The following PXYLP1 variants were observed in gnomAD, a reference collection of about 807,000 sequenced individuals.
The protein encoded by PXYLP1 is 2-phosphoxylose phosphatase 1.
Under a neutral mutation model 37.9 loss-of-function variants are expected in PXYLP1, and 17 were observed. The ratio of observed to expected loss-of-function variants is 0.45; its 90% CI spans 0.31 to 0.67. PXYLP1 has a LOEUF of 0.67. Ranked by LOEUF, PXYLP1 falls within the 30% of genes least tolerant of loss-of-function variation. PXYLP1 has a pLI of 0.07. For synonymous variants in PXYLP1, 221 were observed against 232.2 expected (o/e 0.95, Z 0.44); for missense variants, 511 against 612.0 (o/e 0.84, Z 1.74).
At chr3:141,232,203 G>T in intron 1 of PXYLP1, 1 of 152,180 alleles carries the variant, frequency 6.6e-6, no homozygotes, top group Non-Finnish European at 1.5e-5. Flanking sequence ...CCGCCCCATA[G>T]CCCCCTTCTC....
At chr3:141,279,170 G>C (rs1941880944) in intron 3 of PXYLP1, among the ~76,000 whole-genome samples, 1 of 152,176 alleles carries the variant, frequency 6.6e-6, no homozygotes, top group African/African-American at 2.4e-5. Context: ...ATGTTCCTCT[G>C]TCCCGCCTTG....
intron 1 of PXYLP1, among the ~76,000 whole-genome samples, chr3:141,246,179 G>T (rs1003571576): frequency 6.6e-6 from 1 of 152,142 alleles, no homozygotes; most frequent in African/African-American, 2.4e-5. Context: ...TTAAAAGAGA[G>T]CTCTCTAAGA....
intron 2 of PXYLP1, 132 bp downstream of exon 2, chr3:141,260,386 C>T: frequency 9.6e-7 from 1 of 1,037,844 alleles, no homozygotes; most frequent in Admixed American, 2.7e-5. Context: ...TTGGCACTCA[C>T]AGTGGCCGGT....
At chr3:141,236,981 T>G (rs1176267092) in intron 1 of PXYLP1, among the ~76,000 whole-genome samples, 1 of 152,196 alleles carries the variant, frequency 6.6e-6, no homozygotes, top group African/African-American at 2.4e-5. Flanking sequence ...TGCATTATGT[T>G]TATACAGTAC....
At chr3:141,246,468 T>C (rs1006702431) in intron 1 of PXYLP1, among the ~76,000 whole-genome samples, 1 of 152,178 alleles carries the variant, frequency 6.6e-6, no homozygotes, top group African/African-American at 2.4e-5. Flanking sequence ...GGGCAGCCTC[T>C]ATGAGAAAGT....
chr3:141,242,185 C>T (rs1044713435), intron 1 of PXYLP1, among the ~76,000 whole-genome samples: 1 of 152,134 alleles, frequency 6.6e-6, no homozygotes, highest in Non-Finnish European at 1.5e-5. Context: ...GTGCTTGTTA[C>T]TCACCCCCGC....
At chr3:141,262,470 T>C (rs569715559) in intron 2 of PXYLP1, 1 of 687,740 alleles carries the variant, frequency 1.5e-6, no homozygotes, top group South Asian at 4.1e-5. Flanking sequence ...GAGACATGAA[T>C]GTGTGTTACT....
At chr3:141,280,949 C>G (rs1262907596) in intron 4 of PXYLP1, among the ~76,000 whole-genome samples, 1 of 152,186 alleles carries the variant, frequency 6.6e-6, no homozygotes, top group Non-Finnish European at 1.5e-5. Flanking sequence ...ACTCTCAAAG[C>G]CTTTGTAGTA....
At chr3:141,255,813 A>G (rs773812748) in intron 1 of PXYLP1, among the ~76,000 whole-genome samples, 5 of 152,318 alleles carry the variant, frequency 3.3e-5, no homozygotes, top group African/African-American at 4.8e-5. Context: ...GAGCTCTGGA[A>G]AACTCAGGCT....
intron 2 of PXYLP1, among the ~76,000 whole-genome samples, chr3:141,267,868 T>TCC (rs1250814001): frequency 3.8e-4 from 57 of 148,406 alleles, no homozygotes; most frequent in Non-Finnish European, 6.5e-4. Flanking sequence ...TGTCCCTCTC[T>TCC]GTCTCTCTCC....
chr3:141,248,023 G>GTT (rs55888415), intron 1 of PXYLP1, among the ~76,000 whole-genome samples: 56,573 of 122,234 alleles, frequency 0.46, 13,738 homozygotes, highest in South Asian at 0.64. Flanking sequence ...TTTTTGTTTT[G>GTT]TTTTTTTTTT....
intron 1 of PXYLP1, among the ~76,000 whole-genome samples, chr3:141,250,458 C>T (rs1941115885): frequency 6.6e-6 from 1 of 152,204 alleles, no homozygotes; most frequent in Non-Finnish European, 1.5e-5. Flanking sequence ...CCATTCTATC[C>T]CTGCGTGGGC....
At chr3:141,273,522 G>A (rs974630639) in intron 2 of PXYLP1, 18 of 985,378 alleles carry the variant, frequency 1.8e-5, no homozygotes, top group African/African-American at 1.7e-5. Context: ...GAAGGGTGGT[G>A]GGGAGGGAGC....
At position 141,292,434 on chromosome 3, in the gene PXYLP1, T is replaced by A. The variant is rs1490506408; in HGVS notation, c.672T>A (p.Asp224Glu). The A allele has an allele frequency of 1.2e-6, 2 of 1,614,192 alleles. No homozygotes were observed. The highest frequency in any genetic ancestry group is 4.5e-5 in the East Asian group (2 of 44,892). The change falls in exon 6 of 6, where the codon GAT becomes GAA. Residue 224 changes from aspartate to glutamate, a missense_variant. Physicochemically the swap from Asp to Glu is conservative, Grantham distance 45. Coordinates refer to ENST00000286353, the MANE Select transcript of PXYLP1 (RefSeq NM_001037172.3). The surrounding 1 kb of genome is among the most constrained non-coding windows in gnomAD (Gnocchi z 4.3). ...CCTTGCTTTATGGCTTTCTCCCAGA[T>A]TTTGACTGGAAGAAGATTTATTTCA... Reference protein sequence around the residue: ...GLALLYGFLPDFDWKKIYFRH... With the variant: ...GLALLYGFLPEFDWKKIYFRH...
At chr3:141,286,121 A>G (rs1472641512) in intron 4 of PXYLP1, among the ~76,000 whole-genome samples, 1 of 152,178 alleles carries the variant, frequency 6.6e-6, no homozygotes, top group Non-Finnish European at 1.5e-5. Context: ...TTAGGCATGA[A>G]CTACTCTATC....
chr3:141,274,952 G>T (rs1282864623), intron 2 of PXYLP1, among the ~76,000 whole-genome samples: 1 of 152,200 alleles, frequency 6.6e-6, no homozygotes, highest in African/African-American at 2.4e-5. Context: ...GGGTGGGATG[G>T]CTCAGAGCAG....
At chr3:141,243,640 C>T (rs567925121) in intron 1 of PXYLP1, among the ~76,000 whole-genome samples, 24 of 152,242 alleles carry the variant, frequency 1.6e-4, no homozygotes, top group Non-Finnish European at 3.1e-4. Flanking sequence ...CCCCACCCCT[C>T]GGGTGCCTGT....
In PXYLP1 at chr3:141,294,312, C is replaced by T. The variant is rs1389761832; in HGVS notation, c.*1107C>T. On this transcript the variant is annotated 3_prime_UTR_variant, in exon 6 of 6. Coordinates refer to ENST00000286353, the MANE Select transcript of PXYLP1 (RefSeq NM_001037172.3). ...TCTTCCAATAAAACTAATTATGGCT[C>T]ATTCCCTTTGACAAGCTGTAGAACT... 1 of 152,218 alleles carries T rather than the reference C, an allele frequency of 6.6e-6. No individual in the cohort carries two copies. Among genetic ancestry groups the T allele is most frequent in the Non-Finnish European group, 1.5e-5 (1 of 68,042 alleles). The allele number at this position is 152,218 out of a possible 1,614,324, so 9.4% of individuals were successfully genotyped here. A position where few individuals can be genotyped will look rare whatever the true frequency, so the allele number is the denominator to read the frequency against.
At chr3:141,251,927 ATACT>A (rs1244768293) in intron 1 of PXYLP1, among the ~76,000 whole-genome samples, 1 of 152,158 alleles carries the variant, frequency 6.6e-6, no homozygotes, top group East Asian at 1.9e-4. Context: ...ATCACTGCTA[ATACT>A]TACTGAGAGC....
Sources: gnomAD v4.1 joint callset for allele counts (sites outside exome capture counted in the v4.1 genomes callset) on GRCh38, gnomAD v4.1.1 for gene constraint, Gnocchi (gnomAD v3.1) non-coding constraint, MANE v1.5 for transcripts, NCBI Gene and HGNC (gene_info 2026-07-23, HGNC 2026-07-21) for gene names.